EPHA4: variants seen among roughly 807,000 people sequenced by gnomAD.
EPHA4 encodes ephrin type-A receptor 4.
EPHA4 carries 19 observed loss-of-function variants against 108.3 expected under a neutral mutation model. That is an observed-to-expected ratio of 0.18 (90% CI 0.12 to 0.26). EPHA4 has a LOEUF of 0.26. EPHA4 is among the 10% of genes least tolerant of loss of function. The pLI, the probability that EPHA4 is intolerant of heterozygous loss-of-function variation, is 1.00. For synonymous variants in EPHA4, 449 were observed against 455.5 expected, an observed-to-expected ratio of 0.99 and a Z score of 0.18; for missense variants, 917 against 1,254.0, an observed-to-expected ratio of 0.73 and a Z score of 4.06.
chr2:221,516,332 A>G (rs1002000649), intron 3 of EPHA4, among the ~76,000 whole-genome samples: 3 of 151,192 alleles, frequency 2.0e-5, no homozygotes, highest in Non-Finnish European at 4.4e-5. Flanking sequence ...TACGGTTCCC[A>G]TGATCTGATA....
At chr2:221,439,840 G>A (rs1405510550) in intron 11 of EPHA4, among the ~76,000 whole-genome samples, 1 of 152,168 alleles carries the variant, frequency 6.6e-6, no homozygotes, top group Admixed American at 6.5e-5. Context: ...AAAAGTGAGG[G>A]TCATGCGGAG....
chr2:221,443,731 A>C (rs1271281003), intron 9 of EPHA4, 125 bp from the exon 10 acceptor site: 2 of 557,584 alleles, frequency 3.6e-6, no homozygotes, highest in Non-Finnish European at 6.2e-6. Flanking sequence ...TTGACATATG[A>C]AAATGGTTAA....
intron 3 of EPHA4, among the ~76,000 whole-genome samples, chr2:221,518,836 G>T (rs1450865063): frequency 6.6e-6 from 1 of 152,172 alleles, no homozygotes; most frequent in Non-Finnish European, 1.5e-5. Context: ...ATACTTAAAA[G>T]GTGGGAGGAG....
rs1369980968 is a variant in EPHA4, at chr2:221,426,129, T to C, written c.2860A>G (p.Ile954Val). ...TGGTGCGTGATGGCTGTGATACCAA[T>C]TCTTGCCAGGTCCCTGTACATAGGG... Reference protein sequence around the residue: ...VHVNQEDLARIGITAITHQNK... With the variant: ...VHVNQEDLARVGITAITHQNK... Residue 954 changes from isoleucine (I) to valine (V), a missense_variant, in exon 17 of 18, where the codon ATT becomes GTT. Coordinates refer to ENST00000281821, the MANE Select transcript of EPHA4 (RefSeq NM_004438.5). 2.5e-6 allele frequency: 4 copies of C among 1,614,136 alleles called. No individual in the cohort carries two copies. Among genetic ancestry groups the C allele is most frequent in the Non-Finnish European group, 3.4e-6 (4 of 1,180,012 alleles).
chr2:221,517,048 C>T (rs995398684), intron 3 of EPHA4, among the ~76,000 whole-genome samples: 1 of 152,198 alleles, frequency 6.6e-6, no homozygotes, highest in Non-Finnish European at 1.5e-5. Flanking sequence ...CCTACGTGTG[C>T]CTGACATAGG....
Position 221,547,305 on chromosome 2 carries a change from T to G in EPHA4, c.823+16426A>C, listed in dbSNP as rs527650352. On this transcript the variant is annotated intron_variant, in intron 3 of 17. Transcript: ENST00000281821. ...TTCTCATTTTAAGATTGATTTTCCT[T>G]CTAAATCTCTCTAGATTTATTACAG... Among the ~76,000 whole-genome samples the G allele has an allele frequency of 4.1e-4, 63 of 152,340 alleles. 1 individual carries two copies. Among genetic ancestry groups the G allele is most frequent in the African/African-American group, 1.4e-3 (58 of 41,578 alleles).
At position 221,425,447 on chromosome 2, in the gene EPHA4, CCT is replaced by C. The variant is rs1483296770; in HGVS notation, c.*579_*580del. 6.5e-6 allele frequency: 1 copy of C among 152,736 alleles called. No homozygotes were observed. The highest frequency in any genetic ancestry group is 1.5e-5 in the Non-Finnish European group (1 of 68,272). 9.5% of individuals were successfully genotyped at this position (152,736 alleles called of 1,614,324 possible). On this transcript the variant is annotated 3_prime_UTR_variant, in exon 17 of 18. Coordinates refer to ENST00000281821, the MANE Select transcript of EPHA4 (RefSeq NM_004438.5). Reference sequence around the variant, plus strand: ...CCACTTTCCCTTTCTTTCCAGGCCCCCTGTGTCATAGGAATCCACCAGGCGGC... The same window carrying C: ...CCACTTTCCCTTTCTTTCCAGGCCCCGTGTCATAGGAATCCACCAGGCGGC...
At chr2:221,424,385 A>G (rs955468716) in intron 17 of EPHA4, among the ~76,000 whole-genome samples, 9 of 152,162 alleles carry the variant, frequency 5.9e-5, no homozygotes, top group Non-Finnish European at 1.3e-4. Context: ...TCCTTGCTCT[A>G]TAAGAAATAG....
intron 4 of EPHA4, among the ~76,000 whole-genome samples, chr2:221,485,301 G>T (rs1691945216): frequency 6.6e-6 from 1 of 152,174 alleles, no homozygotes; most frequent in South Asian, 2.1e-4. Flanking sequence ...TGACAAAGAT[G>T]CTGCAGGATT....
At chr2:221,484,722 C>T (rs1026967311) in intron 4 of EPHA4, among the ~76,000 whole-genome samples, 14 of 152,226 alleles carry the variant, frequency 9.2e-5, no homozygotes, top group Admixed American at 2.6e-4. Flanking sequence ...ATTTTAAAGA[C>T]GAGGAAGCTG....
chr2:221,456,580 C>T (rs1336729696), intron 7 of EPHA4, 33 bp downstream of exon 7: 16 of 1,609,092 alleles, frequency 9.9e-6, no homozygotes, highest in African/African-American at 1.3e-5. Context: ...AAAATAGCCT[C>T]AGAAGTGACT....
chr2:221,498,531 C>T (rs1254917389), intron 4 of EPHA4, among the ~76,000 whole-genome samples: 2 of 151,800 alleles, frequency 1.3e-5, no homozygotes, highest in African/African-American at 4.8e-5. Flanking sequence ...CAAAAGTGGC[C>T]ACGCAGAGAA....
At chr2:221,471,907 T>G (rs1691497855) in intron 5 of EPHA4, among the ~76,000 whole-genome samples, 1 of 152,110 alleles carries the variant, frequency 6.6e-6, no homozygotes, top group Admixed American at 6.6e-5. Context: ...TCACAAACCT[T>G]AATAATAACC....
At chr2:221,553,898 ATC>A (rs1694231323) in intron 3 of EPHA4, among the ~76,000 whole-genome samples, 5 of 152,378 alleles carry the variant, frequency 3.3e-5, no homozygotes, top group Admixed American at 6.5e-5. Context: ...AAACAGGATT[ATC>A]TGGGTAATTA....
At chr2:221,446,820 CCCTAATTTGTAAAAAAATGAG>C (rs1240188107) in intron 8 of EPHA4, among the ~76,000 whole-genome samples, 1 of 152,090 alleles carries the variant, frequency 6.6e-6, no homozygotes, top group African/African-American at 2.4e-5. Flanking sequence ...GAATTATGTT[CCCTAATTTGTAAAAAAATGAG>C]CAAGGGTAAA....
At chr2:221,424,561 G>A (rs189643586) in intron 17 of EPHA4, among the ~76,000 whole-genome samples, 2 of 152,050 alleles carry the variant, frequency 1.3e-5, no homozygotes, top group African/African-American at 4.8e-5. Flanking sequence ...ACTCAATGCT[G>A]GTATATAAAA....
rs13412933 is a variant in EPHA4 at position 221,496,737 on chromosome 2, A to G, written c.979+4280T>C. On this transcript the variant is annotated intron_variant, in intron 4 of 17. Coordinates refer to ENST00000281821, the MANE Select transcript of EPHA4 (RefSeq NM_004438.5). ...AGCCTGGCCAACATGGTGAAACCCT[A>G]TCTCTACTAAAAATACAAAAAATTA... Among the ~76,000 whole-genome samples the G allele has an allele frequency of 3.9e-3, 593 of 152,158 alleles. 8 individuals carry two copies. Among genetic ancestry groups the G allele is most frequent in the African/African-American group, 0.014 (568 of 41,518 alleles).
intron 5 of EPHA4, among the ~76,000 whole-genome samples, chr2:221,481,886 G>A (rs1691831011): frequency 6.6e-6 from 1 of 152,088 alleles, no homozygotes. Flanking sequence ...TTTTATAATT[G>A]TACATAATCT....
chr2:221,448,701 C>T (rs1372985647), intron 8 of EPHA4, among the ~76,000 whole-genome samples: 3 of 152,146 alleles, frequency 2.0e-5, no homozygotes, highest in Non-Finnish European at 4.4e-5. Context: ...TATCAGAGCT[C>T]CTAAAAGCAT....
Sources: allele counts gnomAD v4.1 joint callset (sites outside exome capture counted in the v4.1 genomes callset), GRCh38; gene constraint gnomAD v4.1.1; transcripts MANE v1.5; gene names NCBI Gene and HGNC (gene_info 2026-07-23, HGNC 2026-07-21).